Variants in SOX13 observed in about 807,000 individuals in gnomAD.
The protein encoded by SOX13 is SRY-box transcription factor 13.
In SOX13, 28 loss-of-function variants were observed where a neutral mutation model predicts 71.8. That is an observed-to-expected ratio of 0.39 (90% CI 0.29 to 0.53). The LOEUF (loss-of-function observed/expected upper bound fraction) is 0.53, where lower values mean the gene tolerates loss of function less well. Ranked by LOEUF, SOX13 falls within the 20% of genes least tolerant of loss-of-function variation. The probability of loss-of-function intolerance (pLI) is 0.70; values close to 1 mark genes in which losing one functional copy is unlikely to be tolerated. For synonymous variants in SOX13, 309 were observed against 317.8 expected, an observed-to-expected ratio of 0.97 and a Z score of 0.29; for missense variants, 627 against 810.3, an observed-to-expected ratio of 0.77 and a Z score of 2.75.
rs1015510066 is a variant in SOX13, at chr1:204,073,212, G to A, written c.-501G>A. 4 of 152,346 alleles carry A rather than the reference G, an allele frequency of 2.6e-5. No homozygotes were observed. In the East Asian group the frequency reaches 7.8e-4, roughly 30 times the overall value. 9.4% of individuals were successfully genotyped at this position (152,346 alleles called of 1,614,324 possible). ...GTCCTGGAACCCGGGCCCAGAACCGGCGAGCCCAGGTCTGAGCCCAGAGCT... is the reference window on the plus strand; with the variant it reads ...GTCCTGGAACCCGGGCCCAGAACCGACGAGCCCAGGTCTGAGCCCAGAGCT... On this transcript the variant is annotated 5_prime_UTR_variant, in exon 1 of 14. Transcript: ENST00000367204. This position sits in a 1 kb window ranked among gnomAD's most constrained non-coding sequence, Gnocchi z 6.8.
Position 204,126,433 on chromosome 1 carries a change from C to G in SOX13, c.*299C>G. The G allele has an allele frequency of 2.4e-6, 1 of 420,900 alleles. No individual in the cohort carries two copies. The highest frequency in any genetic ancestry group is 3.3e-5 in the South Asian group (1 of 30,470). The allele number at this position is 420,900 out of a possible 1,614,324, so 26.1% of individuals were successfully genotyped here. A position where few individuals can be genotyped will look rare whatever the true frequency, so the allele number is the denominator to read the frequency against. ...TATGACTCTCCTCTCCTGCAGGTGT[C>G]TATCCACCTGGGGTATGGCATCTAC... On this transcript the variant is annotated 3_prime_UTR_variant, in exon 14 of 14. Coordinates refer to ENST00000367204, the MANE Select transcript of SOX13 (RefSeq NM_005686.3).
intron 1 of SOX13, among the ~76,000 whole-genome samples, chr1:204,093,375 T>TTGAG (rs1242010490): frequency 4.6e-5 from 7 of 152,226 alleles, no homozygotes; most frequent in African/African-American, 1.7e-4. Flanking sequence ...AGGGGCTGCT[T>TTGAG]TGAGGCATGA....
Position 204,126,858 on chromosome 1 carries a change from G to T in SOX13, c.*724G>T, listed in dbSNP as rs1656932902. ...CTCTTTGTCAGTCTGGGTGTCTCAG[G>T]TTCTGTGTGTCCTTGTGTGCATTTC... On this transcript the variant is annotated 3_prime_UTR_variant, in exon 14 of 14. Coordinates refer to ENST00000367204, the MANE Select transcript of SOX13 (RefSeq NM_005686.3). 1 of 153,214 alleles carries T rather than the reference G, an allele frequency of 6.5e-6. No individual in the cohort carries two copies. The highest frequency in any genetic ancestry group is 2.4e-5 in the African/African-American group (1 of 41,392). The allele number at this position is 153,214 out of a possible 1,614,324, so 9.5% of individuals were successfully genotyped here.
At chr1:204,093,623 G>C (rs929922709) in intron 1 of SOX13, among the ~76,000 whole-genome samples, 1 of 152,200 alleles carries the variant, frequency 6.6e-6, no homozygotes, top group African/African-American at 2.4e-5. Flanking sequence ...CCCAGCAGGC[G>C]GAGAGGGTTA....
chr1:204,117,758 C>A, intron 7 of SOX13, 51 bp downstream of exon 7: 1 of 1,267,356 alleles, frequency 7.9e-7, no homozygotes, highest in Non-Finnish European at 1.1e-6. Context: ...GTCCTGAGGT[C>A]AGGGAAAGCG....
At chr1:204,076,662 C>A (rs1655792482) in intron 1 of SOX13, among the ~76,000 whole-genome samples, 1 of 152,202 alleles carries the variant, frequency 6.6e-6, no homozygotes, top group Non-Finnish European at 1.5e-5. Context: ...CTGCCTTGGA[C>A]AACAGGCTCC....
chr1:204,117,992 A>G, intron 7 of SOX13: 1 of 330,576 alleles, frequency 3.0e-6, no homozygotes. Context: ...CAGAGTATTA[A>G]TATCTGGAAT....
chr1:204,084,025 C>A (rs1027396408), intron 1 of SOX13, among the ~76,000 whole-genome samples: 3 of 152,168 alleles, frequency 2.0e-5, no homozygotes, highest in Non-Finnish European at 4.4e-5. Flanking sequence ...CCACCTGGGC[C>A]TCTAAGGGCA....
At chr1:204,084,149 C>T (rs1655965502) in intron 1 of SOX13, among the ~76,000 whole-genome samples, 1 of 152,146 alleles carries the variant, frequency 6.6e-6, no homozygotes, top group African/African-American at 2.4e-5. Flanking sequence ...GCTCAGGGGC[C>T]TTATTCAGCT....
intron 1 of SOX13, among the ~76,000 whole-genome samples, chr1:204,105,645 A>G (rs1179512693): frequency 6.6e-6 from 1 of 152,124 alleles, no homozygotes; most frequent in Non-Finnish European, 1.5e-5. Flanking sequence ...ACCTCAGGTG[A>G]TCAACCCGCC....
At chr1:204,115,037 A>C (rs1223343954) in intron 4 of SOX13, among the ~76,000 whole-genome samples, 5 of 150,864 alleles carry the variant, frequency 3.3e-5, no homozygotes, top group African/African-American at 4.9e-5. Context: ...TTTAAGATAC[A>C]GTCTCCCTGT....
At chr1:204,117,862 A>C (rs1419687763) in intron 7 of SOX13, 155 bp downstream of exon 7, 8 of 605,204 alleles carry the variant, frequency 1.3e-5, no homozygotes, top group Non-Finnish European at 2.1e-5. Flanking sequence ...TCTTTTTCTG[A>C]ATCTTGCTGA....
intron 1 of SOX13, among the ~76,000 whole-genome samples, chr1:204,105,848 C>T (rs553962373): frequency 4.5e-4 from 68 of 152,266 alleles, no homozygotes; most frequent in African/African-American, 1.5e-3. Context: ...GAGGGGCTGA[C>T]GGGCTACCCT....
chr1:204,102,935 T>C (rs1158744942), intron 1 of SOX13, among the ~76,000 whole-genome samples: 1 of 152,094 alleles, frequency 6.6e-6, no homozygotes, highest in Non-Finnish European at 1.5e-5. Context: ...CCAGCAATGC[T>C]GGGTCATCAC....
Position 204,105,413 on chromosome 1 carries a change from C to T in SOX13, c.-1-7502C>T, listed in dbSNP as rs919054819. ...GAAGGCCTCTGACTCTGTATAATCT[C>T]TTTTTTTTTTGAGACAGAGTCTCCC... On this transcript the variant is annotated intron_variant, in intron 1 of 13. Coordinates refer to ENST00000367204, the MANE Select transcript of SOX13 (RefSeq NM_005686.3). 1.2e-4 allele frequency among the ~76,000 whole-genome samples: 17 copies of T among 137,982 alleles called. 1 individual carries two copies. The highest frequency in any genetic ancestry group is 6.2e-4 in the East Asian group (3 of 4,846). 90.5% of individuals were successfully genotyped at this position (137,982 alleles called of 152,430 possible). A position where few individuals can be genotyped will look rare whatever the true frequency, so the allele number is the denominator to read the frequency against.
chr1:204,112,919 T>A lies in SOX13; in HGVS notation c.4T>A (p.Ser2Thr), dbSNP rs1475374835. 1 of 1,613,174 alleles carries A rather than the reference T, an allele frequency of 6.2e-7. No individual in the cohort carries two copies. Residue 2 changes from serine to threonine, a missense_variant, in exon 2 of 14, where the codon TCC (serine) becomes ACC (threonine). Ser to Thr is a moderately conservative substitution (Grantham distance 58). Transcript: ENST00000367204. ...CTCACTCTGTCCCTCCCCCAGGATG[T>A]CCATGAGGAGCCCCATCTCTGCCCA... M[S>T]MRSPISAQLA...
intron 1 of SOX13, among the ~76,000 whole-genome samples, chr1:204,111,446 C>T (rs929303853): frequency 5.3e-5 from 8 of 152,162 alleles, no homozygotes; most frequent in African/African-American, 9.7e-5. Flanking sequence ...TCTGCTGCTC[C>T]GCCCAAGCCT....
intron 7 of SOX13, 184 bp downstream of exon 7, chr1:204,117,891 G>C: frequency 1.7e-6 from 1 of 595,772 alleles, no homozygotes; most frequent in Non-Finnish European, 3.0e-6. Flanking sequence ...GAACTTCACT[G>C]GGAGAATGAA....
rs751410553 is a variant in SOX13, at chr1:204,117,610, T to C, written c.678T>C (p.Tyr226=). The part of the protein sequence containing the change: ...QQQIQQVNMP[Y]VMIPAFPPSH... ...GCCTTCAGCAGGTTAACATGCCTTATGTCATGATCCCAGCCTTCCCCCCAA... is the reference window on the plus strand; with the variant it reads ...GCCTTCAGCAGGTTAACATGCCTTACGTCATGATCCCAGCCTTCCCCCCAA... Residue 226 remains tyrosine (Y), a synonymous_variant, in exon 7 of 14, where the codon TAT becomes TAC. Coordinates refer to ENST00000367204, the MANE Select transcript of SOX13 (RefSeq NM_005686.3). 2.5e-6 allele frequency: 4 copies of C among 1,612,040 alleles called. No homozygotes were observed. The South Asian group carries it at 4.4e-5, about 18-fold the overall frequency.
Sources: allele counts gnomAD v4.1 joint callset (sites outside exome capture counted in the v4.1 genomes callset), GRCh38; gene constraint gnomAD v4.1.1; non-coding constraint Gnocchi (gnomAD v3.1); transcripts MANE v1.5; gene names NCBI Gene and HGNC (gene_info 2026-07-23, HGNC 2026-07-21).